LDLRAP1: variants seen among roughly 807,000 people sequenced by gnomAD.
LDLRAP1 encodes low density lipoprotein receptor adapter protein 1.
Under a neutral mutation model 37.8 loss-of-function variants are expected in LDLRAP1, and 30 were observed. That is an observed-to-expected ratio of 0.79 (90% CI 0.59 to 1.08). The LOEUF is 1.08. Among genes scored for constraint, LDLRAP1 ranks in the 50% least tolerant of loss-of-function variants. LDLRAP1 has a pLI of 0.00. For missense variants in LDLRAP1, 375 were observed against 401.6 expected (o/e 0.93, Z 0.57); for synonymous variants, 156 against 169.8 (o/e 0.92, Z 0.63).
intron 1 of LDLRAP1, among the ~76,000 whole-genome samples, chr1:25,547,505 T>TAAATA (rs1055447023): frequency 6.6e-6 from 1 of 151,004 alleles, no homozygotes; most frequent in African/African-American, 2.4e-5. Context: ...AATAAATAAA[T>TAAATA]AAATAAATAA....
At chr1:25,548,664 A>G (rs113863073) in intron 1 of LDLRAP1, among the ~76,000 whole-genome samples, 6 of 150,532 alleles carry the variant, frequency 4.0e-5, no homozygotes, top group African/African-American at 2.4e-5. Context: ...GGATACTCCT[A>G]TTGTCCCTGT....
chr1:25,553,387 T>C (rs79357847), intron 1 of LDLRAP1: 1,712 of 156,906 alleles, frequency 0.011, 27 homozygotes, highest in African/African-American at 0.036. Flanking sequence ...TTCCTGGCTC[T>C]CTGGACTTGG....
the LDLRAP1 span, among the ~76,000 whole-genome samples, chr1:25,582,382 C>T: frequency 1.1e-4 from 16 of 151,846 alleles, no homozygotes; most frequent in Admixed American, 2.6e-4. Context: ...ATATGGAGAT[C>T]GAGACCATCC....
the LDLRAP1 span, among the ~76,000 whole-genome samples, chr1:25,584,571 T>A: frequency 6.6e-6 from 1 of 152,102 alleles, no homozygotes; most frequent in Non-Finnish European, 1.5e-5. Context: ...TAATAACATG[T>A]GATTTTCTTG....
chr1:25,584,979 G>A, the LDLRAP1 span, among the ~76,000 whole-genome samples: 4 of 152,306 alleles, frequency 2.6e-5, no homozygotes, highest in African/African-American at 9.6e-5. Context: ...GGTGCTCTGA[G>A]GAAGTGACTT....
chr1:25,557,183 C>T lies in LDLRAP1; in HGVS notation c.375C>T (p.His125=), dbSNP rs146134293. The part of the protein sequence containing the change: ...RISYCTADKM[H]DKVFAYIAQS... ...CCTATTGCACAGCAGACAAGATGCA[C>T]GACAAGGTGTTTGCATACATCGCCC... Residue 125 remains histidine (H), a synonymous_variant, in exon 4 of 9, where the codon CAC becomes CAT. Coordinates refer to ENST00000374338, the MANE Select transcript of LDLRAP1 (RefSeq NM_015627.3). 47 of 1,613,994 alleles carry T rather than the reference C, an allele frequency of 2.9e-5. No individual in the cohort carries two copies. The African/African-American group carries it at 4.5e-4, about 16-fold the overall frequency.
chr1:25,559,584 A>T (rs2044294063), intron 4 of LDLRAP1, among the ~76,000 whole-genome samples: 1 of 152,176 alleles, frequency 6.6e-6, no homozygotes, highest in Non-Finnish European at 1.5e-5. Flanking sequence ...GGAGTGGTTT[A>T]TCCATCTCCC....
chr1:25,547,439 C>T (rs762855234), intron 1 of LDLRAP1, among the ~76,000 whole-genome samples: 7 of 151,694 alleles, frequency 4.6e-5, no homozygotes, highest in Non-Finnish European at 7.4e-5. Context: ...GCCGGGATCA[C>T]GCCACTGCAC....
rs2044544728 is a variant in LDLRAP1, at chr1:25,568,516, A to G, written c.*1524A>G. On this transcript the variant is annotated 3_prime_UTR_variant, in exon 9 of 9. Transcript: ENST00000374338. ...TAGGGAAAACACGGCCCTCCTGGGA[A>G]CCTCCTTACCTGGAGTAACCGGACA... 6.6e-6 allele frequency: 1 copy of G among 152,160 alleles called. No individual in the cohort carries two copies. The highest frequency in any genetic ancestry group is 6.5e-5 in the Admixed American group (1 of 15,276). The allele number at this position is 152,160 out of a possible 1,614,324, so 9.4% of individuals were successfully genotyped here.
At chr1:25,574,766 G>A in the LDLRAP1 span, among the ~76,000 whole-genome samples, 1 of 152,296 alleles carries the variant, frequency 6.6e-6, no homozygotes, top group East Asian at 1.9e-4. Context: ...GCCTGTATGT[G>A]CCAGGAGCGT....
At chr1:25,546,642 AT>A (rs1465057514) in intron 1 of LDLRAP1, among the ~76,000 whole-genome samples, 1 of 152,072 alleles carries the variant, frequency 6.6e-6, no homozygotes, top group African/African-American at 2.4e-5. Context: ...CCCTCCGGTT[AT>A]TTTGTGGGTT....
At chr1:25,584,786 C>T in the LDLRAP1 span, among the ~76,000 whole-genome samples, 1 of 152,228 alleles carries the variant, frequency 6.6e-6, no homozygotes, top group African/African-American at 2.4e-5. Flanking sequence ...GTGTTGGGGC[C>T]TGTCTTCAGG....
the LDLRAP1 span, among the ~76,000 whole-genome samples, chr1:25,580,633 C>A: frequency 3.3e-5 from 5 of 152,264 alleles, no homozygotes; most frequent in South Asian, 1.0e-3. Context: ...CTCAGCCCCC[C>A]AAGTAGCTGG....
At chr1:25,581,147 G>A in the LDLRAP1 span, among the ~76,000 whole-genome samples, 6 of 152,302 alleles carry the variant, frequency 3.9e-5, no homozygotes, top group Admixed American at 1.3e-4. Context: ...AAAAGCAAAT[G>A]GGGTGTGAGG....
downstream of LDLRAP1, among the ~76,000 whole-genome samples, chr1:25,572,505 GTCT>G (rs2044618863): frequency 6.6e-6 from 1 of 152,178 alleles, no homozygotes; most frequent in Admixed American, 6.5e-5. Flanking sequence ...TTTTCATGCT[GTCT>G]TCAAAGTGAG....
downstream of LDLRAP1, among the ~76,000 whole-genome samples, chr1:25,569,987 G>C (rs2044581400): frequency 6.6e-6 from 1 of 152,232 alleles, no homozygotes; most frequent in Non-Finnish European, 1.5e-5. Context: ...ACTCTCTTCA[G>C]GTTCTTTCAG....
downstream of LDLRAP1, among the ~76,000 whole-genome samples, chr1:25,570,968 TC>T (rs2044597197): frequency 6.6e-6 from 1 of 152,294 alleles, no homozygotes; most frequent in South Asian, 2.1e-4. Flanking sequence ...GTGGTCCTAG[TC>T]CCATTTTCCT....
At chr1:25,583,318 T>C in the LDLRAP1 span, among the ~76,000 whole-genome samples, 2 of 151,206 alleles carry the variant, frequency 1.3e-5, no homozygotes, top group South Asian at 4.2e-4. Context: ...GCCTCCCGAA[T>C]AGCTGGGATT....
rs76666859 is a variant in LDLRAP1 at position 25,544,990 on chromosome 1, C to T, written c.88+1204C>T. Among the ~76,000 whole-genome samples the T allele has an allele frequency of 9.6e-3, 1,460 of 152,338 alleles. 23 individuals carry two copies. Among genetic ancestry groups the T allele is most frequent in the African/African-American group, 0.03 (1,262 of 41,568 alleles). On this transcript the variant is annotated intron_variant, in intron 1 of 8. Coordinates refer to ENST00000374338, the MANE Select transcript of LDLRAP1 (RefSeq NM_015627.3). This position sits in a 1 kb window ranked among gnomAD's most constrained non-coding sequence, Gnocchi z 4.8. ...GCCCCACTCTGTTGTTCAGCTGTGG[C>T]CGCCTCCCAGCTGAGACTGGCATTG...
Sources: gnomAD v4.1 joint callset for allele counts (sites outside exome capture counted in the v4.1 genomes callset) on GRCh38, gnomAD v4.1.1 for gene constraint, Gnocchi (gnomAD v3.1) non-coding constraint, MANE v1.5 for transcripts, NCBI Gene and HGNC (gene_info 2026-07-23, HGNC 2026-07-21) for gene names.